LRMDA: variants seen among roughly 807,000 people sequenced by gnomAD.
LRMDA encodes leucine-rich melanocyte differentiation-associated protein.
LRMDA carries 18 observed loss-of-function variants against 29.8 expected under a neutral mutation model. The observed-to-expected ratio is 0.60, with a 90% CI of 0.42 to 0.90. The LOEUF is 0.90. LRMDA is among the 40% of genes least tolerant of loss of function. The pLI is 0.00. For synonymous variants in LRMDA, 125 were observed against 109.4 expected (o/e 1.14, Z -0.89); for missense variants, 273 against 273.9 (o/e 1.00, Z 0.02).
chr10:75,923,000 A>G (rs1182600452), intron 2 of LRMDA, among the ~76,000 whole-genome samples: 4 of 152,192 alleles, frequency 2.6e-5, no homozygotes, highest in African/African-American at 9.6e-5. Context: ...AGGGATACTG[A>G]TACTATTTTA....
chr10:75,595,529 T>C (rs1840775026), intron 2 of LRMDA, among the ~76,000 whole-genome samples: 1 of 150,028 alleles, frequency 6.7e-6, no homozygotes, highest in Admixed American at 6.7e-5. Flanking sequence ...TATATTAGTA[T>C]GTATATTATG....
At chr10:76,325,349 C>T (rs185911310) in intron 6 of LRMDA, among the ~76,000 whole-genome samples, 1 of 152,328 alleles carries the variant, frequency 6.6e-6, no homozygotes, top group East Asian at 1.9e-4. Flanking sequence ...TTTCCGATGT[C>T]TGTGGCTTGG....
intron 5 of LRMDA, among the ~76,000 whole-genome samples, chr10:76,268,015 T>G (rs1044043276): frequency 2.0e-5 from 3 of 152,232 alleles, no homozygotes; most frequent in Non-Finnish European, 2.9e-5. Flanking sequence ...AAAATGTATC[T>G]TCTACCTCAG....
chr10:75,560,849 T>C (rs1207015030), intron 2 of LRMDA, among the ~76,000 whole-genome samples: 1 of 152,176 alleles, frequency 6.6e-6, no homozygotes, highest in African/African-American at 2.4e-5. Flanking sequence ...TTGATTTGCG[T>C]ATATTGAACC....
At chr10:76,083,999 C>T (rs1411808723) in intron 5 of LRMDA, among the ~76,000 whole-genome samples, 1 of 151,982 alleles carries the variant, frequency 6.6e-6, no homozygotes, top group Non-Finnish European at 1.5e-5. Flanking sequence ...GTACTTGAGC[C>T]TTTCTTTCTA....
intron 2 of LRMDA, among the ~76,000 whole-genome samples, chr10:75,796,255 C>T (rs1448133200): frequency 6.6e-6 from 1 of 152,108 alleles, no homozygotes; most frequent in Non-Finnish European, 1.5e-5. Context: ...GACATCTTTG[C>T]CTCATTCTTA....
chr10:76,423,596 AAG>A (rs1271676024), intron 6 of LRMDA, among the ~76,000 whole-genome samples: 3 of 152,188 alleles, frequency 2.0e-5, no homozygotes, highest in Admixed American at 6.5e-5. Context: ...CAGATTTCAC[AAG>A]AGTTTGAAAT....
At chr10:76,248,839 TTAA>T in intron 5 of LRMDA, among the ~76,000 whole-genome samples, 1 of 152,214 alleles carries the variant, frequency 6.6e-6, no homozygotes, top group Non-Finnish European at 1.5e-5. Flanking sequence ...CCTGTAATTA[TTAA>T]TATGACATTG....
At chr10:75,511,824 G>A (rs1014280399) in intron 2 of LRMDA, among the ~76,000 whole-genome samples, 1 of 152,174 alleles carries the variant, frequency 6.6e-6, no homozygotes, top group African/African-American at 2.4e-5. Flanking sequence ...CCACCAGAGA[G>A]AATTGGGTCT....
chr10:76,433,857 G>GCTT, intron 6 of LRMDA: 1 of 152,116 alleles, frequency 6.6e-6, no homozygotes, highest in South Asian at 2.1e-4. Flanking sequence ...ATGTAACCAG[G>GCTT]GTGACTTGGG....
At chr10:75,434,161 G>T (rs541453407) in intron 1 of LRMDA, among the ~76,000 whole-genome samples, 1 of 152,292 alleles carries the variant, frequency 6.6e-6, no homozygotes, top group Admixed American at 6.5e-5. Flanking sequence ...ATACAAACTT[G>T]GAATTTGGGC....
At chr10:76,451,336 G>A (rs1482691724) in intron 6 of LRMDA, among the ~76,000 whole-genome samples, 1 of 152,000 alleles carries the variant, frequency 6.6e-6, no homozygotes, top group Non-Finnish European at 1.5e-5. Context: ...CAAGTAGCTG[G>A]GACTACAGGT....
chr10:75,956,382 G>T (rs1206632233), intron 2 of LRMDA, among the ~76,000 whole-genome samples: 1 of 152,188 alleles, frequency 6.6e-6, no homozygotes, highest in African/African-American at 2.4e-5. Context: ...GTCTATTGGG[G>T]TCTCTGAATT....
At chr10:76,433,785 G>A (rs897746104) in intron 6 of LRMDA, 1 of 152,192 alleles carries the variant, frequency 6.6e-6, no homozygotes, top group South Asian at 2.1e-4. Context: ...ATTTGTCATG[G>A]GATCAAATTC....
At chr10:75,520,346 TC>T (rs1845341774) in intron 2 of LRMDA, among the ~76,000 whole-genome samples, 1 of 152,220 alleles carries the variant, frequency 6.6e-6, no homozygotes. Context: ...TTTCACATAG[TC>T]CCATATTTTT....
chr10:75,606,282 G>A (rs571147047), intron 2 of LRMDA, among the ~76,000 whole-genome samples: 16 of 152,292 alleles, frequency 1.1e-4, no homozygotes, highest in East Asian at 7.7e-4. Context: ...TTAAGTGTGC[G>A]AGAAGGTAGA....
At chr10:75,526,613 G>A (rs116382834) in intron 2 of LRMDA, among the ~76,000 whole-genome samples, 2 of 151,960 alleles carry the variant, frequency 1.3e-5, no homozygotes, top group African/African-American at 4.8e-5. Flanking sequence ...AGCACTTTGG[G>A]AGTCCAAAGT....
intron 2 of LRMDA, among the ~76,000 whole-genome samples, chr10:75,678,722 A>G (rs549051984): frequency 1.3e-4 from 20 of 152,330 alleles, no homozygotes; most frequent in Non-Finnish European, 2.6e-4. Flanking sequence ...CATGACAGAT[A>G]TTACAGATAT....
intron 6 of LRMDA, among the ~76,000 whole-genome samples, chr10:76,357,772 T>G (rs1485133334): frequency 6.6e-6 from 1 of 152,204 alleles, no homozygotes; most frequent in Non-Finnish European, 1.5e-5. Context: ...CATTTCCAGC[T>G]TCTCTCGTCT....
Sources: gnomAD v4.1 joint callset for allele counts (sites outside exome capture counted in the v4.1 genomes callset) on GRCh38, gnomAD v4.1.1 for gene constraint, MANE v1.5 for transcripts, NCBI Gene and HGNC (gene_info 2026-07-23, HGNC 2026-07-21) for gene names.